BRME1: variants seen among roughly 807,000 people sequenced by gnomAD.
BRME1 encodes the protein BRCA2 and MEILB2-associating protein 1.
BRME1 carries 31 observed loss-of-function variants against 52.6 expected under a neutral mutation model. The ratio of observed to expected loss-of-function variants is 0.59; its 90% CI spans 0.44 to 0.80. The LOEUF (loss-of-function observed/expected upper bound fraction) is 0.80, where lower values mean the gene tolerates loss of function less well. Among genes scored for constraint, BRME1 ranks in the 30% least tolerant of loss-of-function variants. The pLI is 0.00. For synonymous variants in BRME1, 359 were observed against 353.6 expected, an observed-to-expected ratio of 1.02 and a Z score of -0.17; for missense variants, 804 against 860.3, an observed-to-expected ratio of 0.93 and a Z score of 0.82.
intron 7 of BRME1, among the ~76,000 whole-genome samples, chr19:13,884,484 C>T (rs1235781656): frequency 2.6e-5 from 4 of 151,892 alleles, no homozygotes; most frequent in African/African-American, 4.8e-5. Context: ...CAAAATTAGC[C>T]GGGTGTGGTG....
chr19:13,889,775 C>T lies in BRME1; in HGVS notation c.1081G>A (p.Gly361Arg), dbSNP rs781462058. 1 of 1,611,926 alleles carries T rather than the reference C, an allele frequency of 6.2e-7. No homozygotes were observed. Among genetic ancestry groups the T allele is most frequent in the East Asian group, 2.2e-5 (1 of 44,880 alleles). Reference sequence around the variant, plus strand: ...GCAGGTGATATGGCACTGGCCTGCCCATCGGGCCCAGCCACCTCCAGAGCC... The same window carrying T: ...GCAGGTGATATGGCACTGGCCTGCCTATCGGGCCCAGCCACCTCCAGAGCC... ...ERALEVAGPD[G>R]QASAISPASP... Residue 361 changes from glycine to arginine, a missense_variant, in exon 6 of 9, where the codon GGG becomes AGG. By Grantham distance (125) the Gly-to-Arg change is moderately radical (BLOSUM62 -2). Around this residue, in one of 3 missense-constraint regions of BRME1, gnomAD observed 552 missense variants for 561.1 expected, o/e 0.98. Transcript: ENST00000586783.
rs531608115 is a variant in BRME1, at chr19:13,890,989, C to T, written c.394-527G>A. On this transcript the variant is annotated intron_variant, in intron 5 of 8. Coordinates refer to ENST00000586783, the MANE Select transcript of BRME1 (RefSeq NM_001345843.2). The stretch of plus-strand genomic sequence containing the variant: ...TCATGCATGGAAATAGGCATCAGTA[C>T]CAGGGCCGGCGACTGGAGGGGGATC... Among the ~76,000 whole-genome samples the T allele has an allele frequency of 6.6e-5, 10 of 152,118 alleles. No individual in the cohort carries two copies. In the East Asian group the frequency reaches 1.7e-3, roughly 26 times the overall value.
Position 13,883,005 on chromosome 19 carries a change from G to T in BRME1, c.1857-53C>A. 1 of 1,582,380 alleles carries T rather than the reference G, an allele frequency of 6.3e-7. No individual in the cohort carries two copies. ...GGGGCTCAGTGGTCACCAGGTGACA[G>T]AGGGGGCCGCGCCTCACAGCCACAT... On this transcript the variant is annotated intron_variant, in intron 8 of 8. Coordinates refer to ENST00000586783, the MANE Select transcript of BRME1 (RefSeq NM_001345843.2). The surrounding 1 kb of genome is among the most constrained non-coding windows in gnomAD (Gnocchi z 4.2).
At chr19:13,896,649 C>T (rs1056520010) in intron 2 of BRME1, among the ~76,000 whole-genome samples, 11 of 146,534 alleles carry the variant, frequency 7.5e-5, no homozygotes, top group Admixed American at 3.5e-4. Flanking sequence ...TTTATACATA[C>T]GTATTTACAT....
At chr19:13,895,947 T>C (rs1697156654) in intron 2 of BRME1, among the ~76,000 whole-genome samples, 1 of 152,238 alleles carries the variant, frequency 6.6e-6, no homozygotes, top group Admixed American at 6.6e-5. Context: ...TGTCTTCTTC[T>C]GGCATTTAAG....
At chr19:13,884,978 G>C (rs1210443017) in intron 7 of BRME1, 3 of 152,248 alleles carry the variant, frequency 2.0e-5, no homozygotes, top group African/African-American at 7.2e-5. Context: ...ATTGGCCCTG[G>C]GACGCTGTCG....
At chr19:13,892,942 G>A in intron 4 of BRME1, 52 bp from the exon 5 acceptor site, 1 of 1,565,068 alleles carries the variant, frequency 6.4e-7, no homozygotes, top group Non-Finnish European at 8.8e-7. Context: ...AGAGGAATGA[G>A]GTCTTAGGAA....
rs113884217 is a variant in BRME1, at chr19:13,882,505, C to T, written c.*297G>A. 1,478 of 466,998 alleles carry T rather than the reference C, an allele frequency of 3.2e-3. 28 individuals carry two copies. The highest frequency in any genetic ancestry group is 0.028 in the African/African-American group (1,365 of 49,538). The allele number at this position is 466,998 out of a possible 1,614,324, so 28.9% of individuals were successfully genotyped here. On this transcript the variant is annotated 3_prime_UTR_variant, in exon 9 of 9. Transcript: ENST00000586783. ...CTCAGGACCCTAAAATTTGCAAATC[C>T]GGACAGGATGGGCCCTGCTCAGAGG...
chr19:13,904,783 CA>C, intron 2 of BRME1, 78 bp downstream of exon 2: 1 of 1,456,540 alleles, frequency 6.9e-7, no homozygotes, highest in Non-Finnish European at 9.6e-7. Context: ...TCGTGTTAGC[CA>C]GATCTGCAAT....
rs117311124 is a variant in BRME1 at position 13,886,777 on chromosome 19, C to T, written c.1669-722G>A. Among the ~76,000 whole-genome samples the T allele has an allele frequency of 5.7e-3, 749 of 131,966 alleles. 4 individuals are homozygous for T. Among genetic ancestry groups the T allele is most frequent in the Admixed American group, 8.3e-3 (102 of 12,338 alleles). The allele number at this position is 131,966 out of a possible 152,430, so 86.6% of individuals were successfully genotyped here. ...GAGTTCCAGACCAGCCTGGGCAACA[C>T]GGCGAGACCCTGTCTGTACAAAAAA... On this transcript the variant is annotated intron_variant, in intron 6 of 8. Transcript: ENST00000586783.
At chr19:13,897,285 C>A (rs1001966445) in intron 2 of BRME1, among the ~76,000 whole-genome samples, 14 of 150,298 alleles carry the variant, frequency 9.3e-5, no homozygotes, top group Non-Finnish European at 1.9e-4. Flanking sequence ...GATCCGCCCG[C>A]CTCGGCCTCC....
At position 13,883,271 on chromosome 19, in the gene BRME1, G is replaced by A. The variant is rs747294988; in HGVS notation, c.1856+37C>T. On this transcript the variant is annotated intron_variant, in intron 8 of 8. Coordinates refer to ENST00000586783, the MANE Select transcript of BRME1 (RefSeq NM_001345843.2). This position sits in a 1 kb window ranked among gnomAD's most constrained non-coding sequence, Gnocchi z 4.2. ...TCCTCTGAGTCCCCACTGGCCTCCC[G>A]CAGACCCTGTGCCGTGAGTCCAAGC... 30 of 1,502,720 alleles carry A rather than the reference G, an allele frequency of 2.0e-5. No individual in the cohort carries two copies. Among genetic ancestry groups the A allele is most frequent in the Admixed American group, 5.9e-5 (3 of 50,590 alleles). The allele number at this position is 1,502,720 out of a possible 1,614,324, so 93.1% of individuals were successfully genotyped here. A position where few individuals can be genotyped will look rare whatever the true frequency, so the allele number is the denominator to read the frequency against.
chr19:13,895,735 C>T (rs899204204), intron 2 of BRME1, among the ~76,000 whole-genome samples, 189 bp from the exon 3 acceptor site: 1 of 152,136 alleles, frequency 6.6e-6, no homozygotes, highest in Non-Finnish European at 1.5e-5. Flanking sequence ...ATAAATTATC[C>T]ATGACTGGAT....
chr19:13,882,938 C>A lies in BRME1; in HGVS notation c.1871G>T (p.Gly624Val), dbSNP rs2145095243. Residue 624 changes from glycine (G) to valine (V), a missense_variant, in exon 9 of 9, where the codon GGC (glycine) becomes GTC (valine). Physicochemically the swap from Gly to Val is moderately radical, Grantham distance 109 (BLOSUM62 -3). Transcript: ENST00000586783. Reference protein sequence around the residue: ...ELSNLNRLIMGTHRDLEAFKR... With the variant: ...ELSNLNRLIMVTHRDLEAFKR... ...GAAAGCTTCCAGGTCCCGGTGGGTG[C>A]CCATGATCAGCCGGCTGTGGGGGAA... 6.2e-7 allele frequency: 1 copy of A among 1,612,896 alleles called. No homozygotes were observed. Among genetic ancestry groups the A allele is most frequent in the Non-Finnish European group, 8.5e-7 (1 of 1,179,778 alleles).
At chr19:13,892,286 T>C (rs1969557759) in intron 5 of BRME1, among the ~76,000 whole-genome samples, 1 of 152,006 alleles carries the variant, frequency 6.6e-6, no homozygotes, top group African/African-American at 2.4e-5. Context: ...TTTTGTGTTT[T>C]TTTAAAAATT....
chr19:13,889,113 CGAGT>C lies in BRME1; in HGVS notation c.1668+71_1668+74del, dbSNP rs1265705189. 3 of 1,382,620 alleles carry C rather than the reference CGAGT, an allele frequency of 2.2e-6. No homozygotes were observed. The African/African-American group carries it at 4.4e-5, about 20-fold the overall frequency. 85.6% of individuals were successfully genotyped at this position (1,382,620 alleles called of 1,614,324 possible). ...CCCAGCTCCCCCTCTGCCACTGCAC[CGAGT>C]GAGGAGGGGGCTTGTGGAGGTTGGG... On this transcript the variant is annotated intron_variant, in intron 6 of 8. Transcript: ENST00000586783.
rs144556741 is a variant in BRME1, at chr19:13,890,345, G to A, written c.511C>T (p.Arg171Cys). The A allele has an allele frequency of 4.4e-6, 7 of 1,582,242 alleles. No homozygotes were observed. Among genetic ancestry groups the A allele is most frequent in the Admixed American group, 3.6e-5 (2 of 55,654 alleles). Reference sequence around the variant, plus strand: ...GGGCTCTGGCTGCTCTGCTCAGGGCGGGCACTGTCTGCCTGCGTTGGGTCC... The same window carrying A: ...GGGCTCTGGCTGCTCTGCTCAGGGCAGGCACTGTCTGCCTGCGTTGGGTCC... Reference protein sequence around the residue: ...LGDPTQADSARPEQSSQSPVQ... With the variant: ...LGDPTQADSACPEQSSQSPVQ... Residue 171 changes from arginine (R) to cysteine (C), a missense_variant, in exon 6 of 9, where the codon CGC becomes TGC. By Grantham distance (180) the Arg-to-Cys change is radical. Transcript: ENST00000586783.
chr19:13,893,366 T>C (rs1969654337), intron 3 of BRME1, 143 bp from the exon 4 acceptor site: 2 of 672,682 alleles, frequency 3.0e-6, no homozygotes, highest in South Asian at 1.7e-5. Context: ...GGTGAAACCG[T>C]ATCTCTACTA....
At chr19:13,905,358 T>G (rs1970618217) in intron 1 of BRME1, among the ~76,000 whole-genome samples, 1 of 151,858 alleles carries the variant, frequency 6.6e-6, no homozygotes, top group South Asian at 2.1e-4. Context: ...AACACAAAAA[T>G]TAGCCTGGGC....
Sources: gnomAD v4.1 joint callset for allele counts (sites outside exome capture counted in the v4.1 genomes callset) on GRCh38, gnomAD v4.1.1 for gene constraint, gnomAD v4.1.1 regional missense constraint, Gnocchi (gnomAD v3.1) non-coding constraint, MANE v1.5 for transcripts, NCBI Gene and HGNC (gene_info 2026-07-23, HGNC 2026-07-21) for gene names.